The following RNF150 variants were observed in gnomAD, a reference collection of about 807,000 sequenced individuals.
RNF150 encodes ring finger protein 150.
RNF150 carries 24 observed loss-of-function variants against 39.3 expected under a neutral mutation model. That is an observed-to-expected ratio of 0.61 (90% CI 0.44 to 0.86). The LOEUF is 0.86. RNF150 is among the 40% of genes least tolerant of loss of function. The pLI is 0.00. For missense variants in RNF150, 502 were observed against 587.8 expected, an observed-to-expected ratio of 0.85 and a Z score of 1.51; for synonymous variants, 255 against 227.3, an observed-to-expected ratio of 1.12 and a Z score of -1.10.
chr4:141,098,807 A>G (rs1306366496), intron 1 of RNF150, among the ~76,000 whole-genome samples: 2 of 152,194 alleles, frequency 1.3e-5, no homozygotes, highest in Non-Finnish European at 2.9e-5. Flanking sequence ...TCCTCATTGT[A>G]CAAGGACTGG....
At chr4:141,168,387 G>A (rs1048051962) in intron 1 of RNF150, among the ~76,000 whole-genome samples, 8 of 152,276 alleles carry the variant, frequency 5.3e-5, no homozygotes, top group African/African-American at 1.9e-4. Context: ...ACAATGTGGT[G>A]ATTCCTCAAG....
In RNF150 at chr4:140,861,071, CCTT is replaced by C. The variant is rs1303310608; in HGVS notation, c.*7187_*7189del. ...CCTCCCCACTCCCACCCCTACATCT[CCTT>C]CTAATTATAAAATGGTAGAACCATC... On this transcript the variant is annotated 3_prime_UTR_variant, in exon 7 of 7. Coordinates refer to ENST00000515673, the MANE Select transcript of RNF150 (RefSeq NM_020724.2). The C allele has an allele frequency of 2.4e-4, 37 of 152,094 alleles. No homozygotes were observed. The highest frequency in any genetic ancestry group is 2.4e-3 in the Admixed American group (37 of 15,272). 9.4% of individuals were successfully genotyped at this position (152,094 alleles called of 1,614,324 possible).
chr4:141,208,229 C>T (rs372078455), intron 1 of RNF150, among the ~76,000 whole-genome samples: 25 of 152,234 alleles, frequency 1.6e-4, no homozygotes, highest in African/African-American at 5.8e-4. Context: ...TGGAAGCTAA[C>T]TCAGATCCCA....
intron 5 of RNF150, among the ~76,000 whole-genome samples, chr4:140,914,779 T>A (rs1730747607): frequency 6.6e-6 from 1 of 152,222 alleles, no homozygotes; most frequent in Non-Finnish European, 1.5e-5. Flanking sequence ...TAGCAAAATA[T>A]AATGGAAAAT....
chr4:140,900,248 T>C (rs1028174239), intron 6 of RNF150, among the ~76,000 whole-genome samples: 17 of 152,170 alleles, frequency 1.1e-4, no homozygotes, highest in African/African-American at 4.1e-4. Context: ...CTAAGGTTAC[T>C]GGCAGGGCCA....
At chr4:141,057,912 G>A (rs1737049123) in intron 1 of RNF150, among the ~76,000 whole-genome samples, 1 of 152,026 alleles carries the variant, frequency 6.6e-6, no homozygotes, top group Non-Finnish European at 1.5e-5. Flanking sequence ...AACTCAAAGA[G>A]GTTTTCTCCT....
intron 1 of RNF150, among the ~76,000 whole-genome samples, chr4:140,973,874 TAAAAAA>T (rs566506401): frequency 2.7e-5 from 3 of 110,508 alleles, no homozygotes; most frequent in African/African-American, 1.0e-4. Flanking sequence ...AGACTCTGTT[TAAAAAA>T]AAAAAAAAAA....
At chr4:141,116,995 G>T (rs979634589) in intron 1 of RNF150, among the ~76,000 whole-genome samples, 2 of 151,900 alleles carry the variant, frequency 1.3e-5, no homozygotes, top group African/African-American at 4.8e-5. Context: ...CTGTCAGGGG[G>T]TGGGGGGACT....
chr4:140,906,262 C>T (rs1434084308), intron 6 of RNF150, among the ~76,000 whole-genome samples: 1 of 152,034 alleles, frequency 6.6e-6, no homozygotes, highest in Non-Finnish European at 1.5e-5. Flanking sequence ...TCCCCCACAT[C>T]TGCCTGAGCC....
At chr4:140,912,443 AT>A (rs1038587483) in intron 5 of RNF150, among the ~76,000 whole-genome samples, 9 of 152,176 alleles carry the variant, frequency 5.9e-5, no homozygotes, top group African/African-American at 2.2e-4. Flanking sequence ...GCAGAACATG[AT>A]GGTCAGGATT....
chr4:140,963,592 C>A (rs143271045), intron 2 of RNF150, among the ~76,000 whole-genome samples: 1,535 of 152,100 alleles, frequency 0.01, 12 homozygotes, highest in Non-Finnish European at 0.017. Flanking sequence ...ACAGTATAAT[C>A]ATTATCTAAA....
At chr4:141,092,632 C>T (rs762224224) in intron 1 of RNF150, among the ~76,000 whole-genome samples, 1 of 151,824 alleles carries the variant, frequency 6.6e-6, no homozygotes, top group Non-Finnish European at 1.5e-5. Flanking sequence ...ACTTTATAGA[C>T]CAGAAAATTG....
chr4:141,205,144 A>T (rs1478134523), intron 1 of RNF150, among the ~76,000 whole-genome samples: 1 of 152,218 alleles, frequency 6.6e-6, no homozygotes, highest in Non-Finnish European at 1.5e-5. Context: ...ATTAAAATTC[A>T]CTGCATTCAT....
At chr4:140,935,835 T>C (rs1731844989) in intron 4 of RNF150, among the ~76,000 whole-genome samples, 1 of 152,200 alleles carries the variant, frequency 6.6e-6, no homozygotes, top group South Asian at 2.1e-4. Flanking sequence ...AAACCTTAAG[T>C]GAGCTTGATG....
intron 2 of RNF150, among the ~76,000 whole-genome samples, chr4:140,958,902 C>A (rs1452965355): frequency 6.6e-6 from 1 of 152,096 alleles, no homozygotes; most frequent in East Asian, 1.9e-4. Context: ...CATTATAGGG[C>A]CTTTCTTTCT....
chr4:140,982,277 C>T (rs1240613786), intron 1 of RNF150, among the ~76,000 whole-genome samples: 1 of 152,042 alleles, frequency 6.6e-6, no homozygotes, highest in African/African-American at 2.4e-5. Context: ...TATTCATCAT[C>T]ATCACTGAAC....
At chr4:141,099,993 G>T (rs1738949887) in intron 1 of RNF150, among the ~76,000 whole-genome samples, 1 of 152,156 alleles carries the variant, frequency 6.6e-6, no homozygotes, top group Non-Finnish European at 1.5e-5. Context: ...GATCAATGCA[G>T]TGTGAAAGAG....
At chr4:141,133,472 TTG>T (rs747971541), upstream of RNF150, 33,498 of 153,252 alleles carry the variant, frequency 0.22, 4,029 homozygotes, top group Middle Eastern at 0.29. Flanking sequence ...GTCTGTATGT[TTG>T]TGTGTGTGTG....
intron 4 of RNF150, among the ~76,000 whole-genome samples, chr4:140,928,117 C>T (rs1406776645): frequency 6.7e-6 from 1 of 149,996 alleles, no homozygotes; most frequent in Non-Finnish European, 1.5e-5. Context: ...CTGTGCTCAA[C>T]AGACAGAATC....
Sources: gnomAD v4.1 joint callset for allele counts (sites outside exome capture counted in the v4.1 genomes callset) on GRCh38, gnomAD v4.1.1 for gene constraint, MANE v1.5 for transcripts, NCBI Gene and HGNC (gene_info 2026-07-23, HGNC 2026-07-21) for gene names.